The following PRH1 variants were observed in gnomAD, a reference collection of about 807,000 sequenced individuals.
PRH1 encodes proline rich protein HaeIII subfamily 1, also known as salivary acidic proline-rich phosphoprotein 1/2.
Under a neutral mutation model 7.9 loss-of-function variants are expected in PRH1, and 7 were observed. The observed-to-expected ratio is 0.89, with a 90% CI of 0.50 to 1.67. The LOEUF is 1.67. PRH1 is among the 40% of genes most tolerant of loss of function. PRH1 has a pLI of 0.00. For synonymous variants in PRH1, 45 were observed against 80.8 expected, an observed-to-expected ratio of 0.56 and a Z score of 2.38; for missense variants, 109 against 223.6, an observed-to-expected ratio of 0.49 and a Z score of 3.27.
chr12:11,086,821 G>GA lies in PRH1; in HGVS notation n.124-39634dup, dbSNP rs1225869664. ...CCCAGCTACTCAGGTGGCTGTGGCA[G>GA]AAAAATCATTGGAACCCAGGAGTGG... On this transcript the variant is annotated intron_variant and non_coding_transcript_variant, in intron 1 of 4. Transcript: ENST00000541977. Among the ~76,000 whole-genome samples the GA allele has an allele frequency of 1.7e-5, 2 of 114,342 alleles. 1 individual carries two copies. Among genetic ancestry groups the GA allele is most frequent in the Non-Finnish European group, 4.1e-5 (2 of 48,570 alleles). 75.0% of individuals were successfully genotyped at this position (114,342 alleles called of 152,430 possible).
intron 1 of PRH1, among the ~76,000 whole-genome samples, chr12:11,107,800 G>A (rs1391532451): frequency 6.6e-6 from 1 of 152,108 alleles, no homozygotes; most frequent in Non-Finnish European, 1.5e-5. Context: ...GGAATTAATG[G>A]TTTTTCTCAA....
intron 2 of PRH1, among the ~76,000 whole-genome samples, chr12:10,930,079 C>T (rs1055239728): frequency 1.3e-5 from 2 of 152,160 alleles, no homozygotes; most frequent in Non-Finnish European, 2.9e-5. Context: ...TCCTGGTTGA[C>T]GCTCAGTGTA....
Position 11,146,394 on chromosome 12 carries a change from T to A in PRH1, n.39+25028A>T, listed in dbSNP as rs1013556416. On this transcript the variant is annotated intron_variant and non_coding_transcript_variant, in intron 1 of 1. Transcript: ENST00000541175. Reference sequence around the variant, plus strand: ...TATACCTGAATTTGGCAAGAATTGATGTCATCACAACAATGAGAATGTCAT... The same window carrying A: ...TATACCTGAATTTGGCAAGAATTGAAGTCATCACAACAATGAGAATGTCAT... 2.6e-5 allele frequency among the ~76,000 whole-genome samples: 4 copies of A among 152,168 alleles called. No homozygotes were observed. In the South Asian group the frequency reaches 6.2e-4, roughly 24 times the overall value.
Position 11,096,798 on chromosome 12 carries a change from T to C in PRH1, n.124-49610A>G, listed in dbSNP as rs1945079487. On this transcript the variant is annotated intron_variant and non_coding_transcript_variant, in intron 1 of 4. Coordinates refer to the PRH1 transcript ENST00000541977. ...TTTTATGCGGTTTTTGTTTTTTTTGTTGTTGTTGTTGTTGTTTTTGAGACG... is the reference window on the plus strand; with the variant it reads ...TTTTATGCGGTTTTTGTTTTTTTTGCTGTTGTTGTTGTTGTTTTTGAGACG... Among the ~76,000 whole-genome samples the C allele has an allele frequency of 1.8e-5, 2 of 114,222 alleles. 1 individual carries two copies. The highest frequency in any genetic ancestry group is 5.9e-5 in the African/African-American group (2 of 34,180). The allele number at this position is 114,222 out of a possible 152,430, so 74.9% of individuals were successfully genotyped here.
chr12:11,020,244 T>A (rs901419232), intron 1 of PRH1, among the ~76,000 whole-genome samples: 1 of 23,368 alleles, frequency 4.3e-5, no homozygotes, highest in Non-Finnish European at 1.9e-4. Flanking sequence ...TAACATATCA[T>A]TTTTGACCAA....
intron 2 of PRH1, among the ~76,000 whole-genome samples, chr12:10,920,125 C>T (rs1328968736): frequency 1.3e-5 from 2 of 151,992 alleles, no homozygotes; most frequent in Non-Finnish European, 2.9e-5. Flanking sequence ...AATGCCTTAA[C>T]TCAAGTGATC....
At chr12:11,129,245 C>T (rs1305513114) in intron 1 of PRH1, among the ~76,000 whole-genome samples, 1 of 152,294 alleles carries the variant, frequency 6.6e-6, no homozygotes, top group African/African-American at 2.4e-5. Flanking sequence ...TCAGATGCTA[C>T]CTAGAGCTTC....
chr12:11,081,651 G>GA (rs2136233361), intron 1 of PRH1, among the ~76,000 whole-genome samples: 1 of 116,156 alleles, frequency 8.6e-6, no homozygotes, highest in African/African-American at 2.9e-5. Flanking sequence ...TCAATGACCA[G>GA]AACTACCTCT....
At chr12:10,979,998 T>C (rs577433771) in intron 1 of PRH1, among the ~76,000 whole-genome samples, 1 of 152,262 alleles carries the variant, frequency 6.6e-6, no homozygotes, top group South Asian at 2.1e-4. Flanking sequence ...AATGAAGATG[T>C]CAAATATGCT....
intron 1 of PRH1, among the ~76,000 whole-genome samples, chr12:11,152,639 A>T (rs950199462): frequency 6.6e-6 from 1 of 152,136 alleles, no homozygotes; most frequent in African/African-American, 2.4e-5. Context: ...TTTAGCCCCA[A>T]TTATTTATTC....
At chr12:10,946,022 G>C (rs539415247) in intron 2 of PRH1, among the ~76,000 whole-genome samples, 16 of 152,260 alleles carry the variant, frequency 1.1e-4, no homozygotes, top group Admixed American at 9.2e-4. Flanking sequence ...AAGGTGCCCA[G>C]ATTTCATATT....
chr12:11,107,383 A>G (rs1471265713), intron 1 of PRH1, among the ~76,000 whole-genome samples: 2 of 152,210 alleles, frequency 1.3e-5, no homozygotes, highest in African/African-American at 4.8e-5. Context: ...GAGAAATAAA[A>G]GGCCAAAATT....
intron 1 of PRH1, among the ~76,000 whole-genome samples, chr12:11,023,159 T>C (rs1484095492): frequency 2.6e-5 from 4 of 152,136 alleles, no homozygotes; most frequent in Non-Finnish European, 4.4e-5. Context: ...CCTGGGAGGC[T>C]GATACACTTT....
intron 2 of PRH1, among the ~76,000 whole-genome samples, chr12:10,919,950 G>A (rs1950023939): frequency 6.7e-6 from 1 of 150,306 alleles, no homozygotes; most frequent in Non-Finnish European, 1.5e-5. Flanking sequence ...TGTAGCCCAG[G>A]CTGGAGTGGC....
intron 1 of PRH1, among the ~76,000 whole-genome samples, chr12:10,992,648 A>G (rs921187942): frequency 2.6e-5 from 4 of 152,126 alleles, no homozygotes; most frequent in Non-Finnish European, 4.4e-5. Context: ...CCTGGCCTCA[A>G]GTGCTCCTCC....
chr12:11,152,536 A>G (rs1947132448), intron 1 of PRH1, among the ~76,000 whole-genome samples: 2 of 152,060 alleles, frequency 1.3e-5, no homozygotes, highest in South Asian at 4.2e-4. Context: ...ACTTATCTGT[A>G]CTATATTTTA....
At chr12:11,030,287 A>G in intron 1 of PRH1, 1 of 1,500,220 alleles carries the variant, frequency 6.7e-7, no homozygotes, top group Non-Finnish European at 8.9e-7. Context: ...TTTTCTAGGT[A>G]TACGTTGGGA....
In PRH1 at chr12:11,088,697, A is replaced by G. The variant is rs2084645; in HGVS notation, n.124-41509T>C. ...ACTCATTAATGAAGTTTCCCAGGCT[A>G]CTGGTCTCAAGCAGAATCCAGAACA... On this transcript the variant is annotated intron_variant and non_coding_transcript_variant, in intron 1 of 4. Coordinates refer to the PRH1 transcript ENST00000541977. 1.8e-5 allele frequency among the ~76,000 whole-genome samples: 2 copies of G among 114,220 alleles called. 1 individual carries two copies. The highest frequency in any genetic ancestry group is 5.9e-5 in the African/African-American group (2 of 33,854). 74.9% of individuals were successfully genotyped at this position (114,220 alleles called of 152,430 possible).
At chr12:11,099,532 A>G (rs141755228) in intron 1 of PRH1, among the ~76,000 whole-genome samples, 275 of 152,230 alleles carry the variant, frequency 1.8e-3, no homozygotes, top group African/African-American at 6.4e-3. Flanking sequence ...CCCCATCTCT[A>G]CTAAAAATAC....
Sources: allele counts gnomAD v4.1 joint callset (sites outside exome capture counted in the v4.1 genomes callset), GRCh38; gene constraint gnomAD v4.1.1; transcripts MANE v1.5; gene names NCBI Gene and HGNC (gene_info 2026-07-23, HGNC 2026-07-21).